KCNQ1: variants seen among roughly 807,000 people sequenced by gnomAD.
KCNQ1 encodes potassium voltage-gated channel subfamily KQT member 1.
KCNQ1 carries 49 observed loss-of-function variants against 72.4 expected under a neutral mutation model. The observed-to-expected ratio is 0.68, with a 90% CI of 0.54 to 0.86. The LOEUF (loss-of-function observed/expected upper bound fraction) is 0.86. Ranked by LOEUF, KCNQ1 falls within the 40% of genes least tolerant of loss-of-function variation. The pLI is 0.00. For missense variants in KCNQ1, 790 were observed against 945.1 expected, an observed-to-expected ratio of 0.84 and a Z score of 2.15; for synonymous variants, 450 against 412.6, an observed-to-expected ratio of 1.09 and a Z score of -1.10.
rs764668036 is a variant in KCNQ1, at chr11:2,498,599, A to G, written c.387-29329A>G. On this transcript the variant is annotated intron_variant, in intron 1 of 15. Transcript: ENST00000155840. This position sits in a 1 kb window ranked among gnomAD's most constrained non-coding sequence, Gnocchi z 4.8. ...GTGCTGGCAGTGAGAATTTGAAGCCAGTGGTTCTTAGCTTGCTGGGCTCCA... is the reference window on the plus strand; with the variant it reads ...GTGCTGGCAGTGAGAATTTGAAGCCGGTGGTTCTTAGCTTGCTGGGCTCCA... 4.2e-4 allele frequency among the ~76,000 whole-genome samples: 64 copies of G among 152,212 alleles called. No individual in the cohort carries two copies. Among genetic ancestry groups the G allele is most frequent in the Non-Finnish European group, 5.9e-4 (40 of 68,032 alleles).
rs1589987853 is a variant in KCNQ1 at position 2,623,532 on chromosome 11, T to C, written c.1393+34678T>C. 2.3e-5 allele frequency: 9 copies of C among 398,632 alleles called. No individual in the cohort carries two copies. The East Asian group carries it at 3.2e-4, about 14-fold the overall frequency. 24.7% of individuals were successfully genotyped at this position (398,632 alleles called of 1,614,324 possible). A position where few individuals can be genotyped will look rare whatever the true frequency, so the allele number is the denominator to read the frequency against. On this transcript the variant is annotated intron_variant, in intron 10 of 15. Coordinates refer to ENST00000155840, the MANE Select transcript of KCNQ1 (RefSeq NM_000218.3). This position sits in a 1 kb window ranked among gnomAD's most constrained non-coding sequence, Gnocchi z 5.2. Reference sequence around the variant, plus strand: ...TTGGAATCATACAGTATGTAGTTTCTTCAGATTGCCTTATTTCACATAGTA... The same window carrying C: ...TTGGAATCATACAGTATGTAGTTTCCTCAGATTGCCTTATTTCACATAGTA...
intron 11 of KCNQ1, among the ~76,000 whole-genome samples, chr11:2,738,423 G>A (rs117964937): frequency 1.3e-5 from 2 of 152,212 alleles, no homozygotes; most frequent in Non-Finnish European, 2.9e-5. Flanking sequence ...ATGTGAGAAT[G>A]CAGCAGGTCG....
chr11:2,511,404 G>C (rs574272108), intron 1 of KCNQ1, among the ~76,000 whole-genome samples: 1 of 152,130 alleles, frequency 6.6e-6, no homozygotes, highest in Non-Finnish European at 1.5e-5. Context: ...GAACCACCTC[G>C]TCAGGCCCAG....
chr11:2,454,026 TC>T (rs1338164903), intron 1 of KCNQ1, among the ~76,000 whole-genome samples: 1 of 152,110 alleles, frequency 6.6e-6, no homozygotes, highest in East Asian at 1.9e-4. Flanking sequence ...CACCTCAGCC[TC>T]CCAAAGTGCT....
At position 2,614,401 on chromosome 11, in the gene KCNQ1, T is replaced by G. The variant is rs549087275; in HGVS notation, c.1393+25547T>G. The G allele has an allele frequency of 4.3e-5, 17 of 398,602 alleles. No individual in the cohort carries two copies. In the Admixed American group the frequency reaches 6.6e-4, roughly 15 times the overall value. The allele number at this position is 398,602 out of a possible 1,614,324, so 24.7% of individuals were successfully genotyped here. A position where few individuals can be genotyped will look rare whatever the true frequency, so the allele number is the denominator to read the frequency against. ...CCATTTCAAAATGTACAATTCAGTG[T>G]CACTTAGTACATTTACAATATTGTG... is the stretch of plus-strand genomic sequence containing the variant. On this transcript the variant is annotated intron_variant, in intron 10 of 15. Coordinates refer to ENST00000155840, the MANE Select transcript of KCNQ1 (RefSeq NM_000218.3).
intron 11 of KCNQ1, chr11:2,699,507 A>AG (rs1850739118): frequency 5.7e-6 from 1 of 176,920 alleles, no homozygotes; most frequent in Non-Finnish European, 9.0e-6. Flanking sequence ...CGCGCTGAGG[A>AG]GCCCCCAGGA....
At chr11:2,834,620 C>T (rs1848023402) in intron 15 of KCNQ1, among the ~76,000 whole-genome samples, 1 of 152,144 alleles carries the variant, frequency 6.6e-6, no homozygotes, top group Non-Finnish European at 1.5e-5. Flanking sequence ...GGCAGGGAGG[C>T]GCTTGATGTC....
chr11:2,568,327 C>G (rs952449658), intron 2 of KCNQ1, among the ~76,000 whole-genome samples: 52 of 151,804 alleles, frequency 3.4e-4, no homozygotes, highest in African/African-American at 1.2e-3. Context: ...CAAGAAAAAC[C>G]CTGCTAAGGG....
In KCNQ1 at chr11:2,583,539, C is replaced by T; in HGVS notation, c.1026C>T (p.Leu342=). ...FSVFAISFFA[L]PAGILGSGFA... ...TCTTTGCCATCTCCTTCTTTGCGCT[C>T]CCAGCGGTAGGTGCCCCGTGGGTGC... Residue 342 remains leucine (L), a synonymous_variant, in exon 7 of 16, where the codon CTC becomes CTT. Transcript: ENST00000155840. The T allele has an allele frequency of 1.2e-6, 2 of 1,611,898 alleles. No homozygotes were observed. Among genetic ancestry groups the T allele is most frequent in the Non-Finnish European group, 1.7e-6 (2 of 1,178,066 alleles).
chr11:2,579,051 C>G lies in KCNQ1; in HGVS notation c.922-4384C>G, dbSNP rs1851410822. On this transcript the variant is annotated intron_variant, in intron 6 of 15. Transcript: ENST00000155840. The surrounding 1 kb of genome is among the most constrained non-coding windows in gnomAD (Gnocchi z 6.0). ...CCTTCCTCTGGACAGACGACCACCA[C>G]ATCTCCAGCCAGGACCACCCCTTCC... is the stretch of plus-strand genomic sequence containing the variant. Among the ~76,000 whole-genome samples the G allele has an allele frequency of 6.6e-6, 1 of 152,206 alleles. No individual in the cohort carries two copies. Among genetic ancestry groups the G allele is most frequent in the Non-Finnish European group, 1.5e-5 (1 of 68,032 alleles).
chr11:2,650,917 GA>G (rs1197583346), intron 10 of KCNQ1: 2 of 398,630 alleles, frequency 5.0e-6, no homozygotes, highest in Non-Finnish European at 8.8e-6. Flanking sequence ...AAGCCTGGCT[GA>G]AAGTCTTTTT....
At chr11:2,553,917 A>G (rs145357021) in intron 2 of KCNQ1, among the ~76,000 whole-genome samples, 2,186 of 152,220 alleles carry the variant, frequency 0.014, 25 homozygotes, top group Non-Finnish European at 0.02. Flanking sequence ...GGGTTTCACC[A>G]TGTTGGCCAG....
In KCNQ1 at chr11:2,783,820, C is replaced by T. The variant is rs532703059; in HGVS notation, c.1794+5783C>T. On this transcript the variant is annotated intron_variant, in intron 15 of 15. Transcript: ENST00000155840. The surrounding 1 kb of genome is among the most constrained non-coding windows in gnomAD (Gnocchi z 5.2). ...TCTTTGGTGAAATGTTTATTCAACT[C>T]TCTTGCCCATTTTCTAATTAAGTAG... Among the ~76,000 whole-genome samples, 184 of 152,146 alleles carry T rather than the reference C, an allele frequency of 1.2e-3. No homozygotes were observed. The highest frequency in any genetic ancestry group is 4.4e-3 in the African/African-American group (181 of 41,578).
At chr11:2,660,347 T>C in intron 10 of KCNQ1, 1 of 398,504 alleles carries the variant, frequency 2.5e-6, no homozygotes, top group South Asian at 1.3e-4. Context: ...TAGGAATAAA[T>C]TTAAGAGAGA....
rs2133716827 is a variant in KCNQ1, at chr11:2,565,044, C to T, written c.478-5584C>T. Among the ~76,000 whole-genome samples, 1 of 152,320 alleles carries T rather than the reference C, an allele frequency of 6.6e-6. No homozygotes were observed. Among genetic ancestry groups the T allele is most frequent in the East Asian group, 1.9e-4 (1 of 5,192 alleles). Reference sequence around the variant, plus strand: ...CTGTTGTGAATGTTGCTGCTGTGGACATGGGTGTGTATGGATCTCCTTTAA... The same window carrying T: ...CTGTTGTGAATGTTGCTGCTGTGGATATGGGTGTGTATGGATCTCCTTTAA... On this transcript the variant is annotated intron_variant, in intron 2 of 15. Coordinates refer to ENST00000155840, the MANE Select transcript of KCNQ1 (RefSeq NM_000218.3). The surrounding 1 kb of genome is among the most constrained non-coding windows in gnomAD (Gnocchi z 5.6).
intron 11 of KCNQ1, among the ~76,000 whole-genome samples, chr11:2,742,469 C>T (rs1846071919): frequency 6.6e-6 from 1 of 152,240 alleles, no homozygotes; most frequent in South Asian, 2.1e-4. Context: ...GTCTGCCTGC[C>T]CAGCTGTGCC....
rs34286049 is a variant in KCNQ1, at chr11:2,767,188, T to TGTGTA, written c.1515-1656_1515-1655insGTGTA. ...TCTATATGTGTGTGTGTGTGTGTAT[T>TGTGTA]TTTTTTTTTCTTTGCTTAGCTAGGA... On this transcript the variant is annotated intron_variant, in intron 11 of 15. Transcript: ENST00000155840. This position sits in a 1 kb window ranked among gnomAD's most constrained non-coding sequence, Gnocchi z 4.6. Among the ~76,000 whole-genome samples, 21,058 of 139,074 alleles carry TGTGTA rather than the reference T, an allele frequency of 0.15. 1,553 individuals carry two copies. The highest frequency in any genetic ancestry group is 0.21 in the South Asian group (982 of 4,680). 91.2% of individuals were successfully genotyped at this position (139,074 alleles called of 152,430 possible).
rs2134051145 is a variant in KCNQ1 at position 2,818,635 on chromosome 11, TGTTCCCTACCAGCCCAGCTGCTG to T, written c.1795-29129_1795-29107del. ...GAATGCGGCCCACCCTGTCTCCAGT[TGTTCCCTACCAGCCCAGCTGCTG>T]GTCCCTAACCGGGCCCACCTGTTGG... is the stretch of plus-strand genomic sequence containing the variant. On this transcript the variant is annotated intron_variant, in intron 15 of 15. Coordinates refer to ENST00000155840, the MANE Select transcript of KCNQ1 (RefSeq NM_000218.3). This position sits in a 1 kb window ranked among gnomAD's most constrained non-coding sequence, Gnocchi z 7.2. Among the ~76,000 whole-genome samples the T allele has an allele frequency of 6.6e-6, 1 of 152,286 alleles. No homozygotes were observed. Among genetic ancestry groups the T allele is most frequent in the East Asian group, 1.9e-4 (1 of 5,178 alleles).
rs1306547178 is a variant in KCNQ1, at chr11:2,508,211, A to G, written c.387-19717A>G. Among the ~76,000 whole-genome samples, 1 of 152,186 alleles carries G rather than the reference A, an allele frequency of 6.6e-6. No homozygotes were observed. Among genetic ancestry groups the G allele is most frequent in the East Asian group, 1.9e-4 (1 of 5,168 alleles). On this transcript the variant is annotated intron_variant, in intron 1 of 15. Transcript: ENST00000155840. This position sits in a 1 kb window ranked among gnomAD's most constrained non-coding sequence, Gnocchi z 6.2. ...AACACTAGGCATGCATGTTTGAGGTACCACAACCTCCACCAACCCATGGTG... is the reference window on the plus strand; with the variant it reads ...AACACTAGGCATGCATGTTTGAGGTGCCACAACCTCCACCAACCCATGGTG...
Sources: gnomAD v4.1 joint callset for allele counts (sites outside exome capture counted in the v4.1 genomes callset) on GRCh38, gnomAD v4.1.1 for gene constraint, Gnocchi (gnomAD v3.1) non-coding constraint, MANE v1.5 for transcripts, NCBI Gene and HGNC (gene_info 2026-07-23, HGNC 2026-07-21) for gene names.